Variants in RBFOX1 observed in about 807,000 individuals in gnomAD.
RBFOX1 encodes the protein RNA binding fox-1 homolog 1.
A neutral mutation model predicts 57.7 loss-of-function variants in RBFOX1; 8 were observed. That is an observed-to-expected ratio of 0.14 (90% CI 0.08 to 0.25). The LOEUF (loss-of-function observed/expected upper bound fraction) is 0.25. Among genes scored for constraint, RBFOX1 ranks in the 10% least tolerant of loss-of-function variants. The pLI is 1.00. For missense variants in RBFOX1, 611 were observed against 548.5 expected (o/e 1.11, Z -1.14); for synonymous variants, 326 against 222.4 (o/e 1.47, Z -4.15).
intron 3 of RBFOX1, among the ~76,000 whole-genome samples, chr16:6,916,739 A>C (rs968532470): frequency 6.6e-6 from 1 of 152,118 alleles, no homozygotes; most frequent in African/African-American, 2.4e-5. Flanking sequence ...AGCTCGGATT[A>C]CTTCCAGCTT....
chr16:6,015,730 TCTC>T (rs2094989628), upstream of RBFOX1, among the ~76,000 whole-genome samples: 1 of 152,226 alleles, frequency 6.6e-6, no homozygotes, highest in South Asian at 2.1e-4. Flanking sequence ...CTATTTATCT[TCTC>T]TATTTAGACA....
rs146696236 is a variant in RBFOX1, at chr16:7,668,592, G to A, written c.930+3624G>A. On this transcript the variant is annotated intron_variant, in intron 13 of 15. Coordinates refer to ENST00000550418, the MANE Select transcript of RBFOX1 (RefSeq NM_018723.4). ...GTTGGCTACTCATCGGAGGTGATGC[G>A]GGGGTTGTCTGAGAATGGAGGGTAG... Among the ~76,000 whole-genome samples, 284 of 152,162 alleles carry A rather than the reference G, an allele frequency of 1.9e-3. 2 individuals are homozygous for A. Among genetic ancestry groups the A allele is most frequent in the Non-Finnish European group, 3.1e-3 (208 of 68,014 alleles).
intron 4 of RBFOX1, among the ~76,000 whole-genome samples, chr16:7,267,986 C>T (rs888742155): frequency 3.8e-4 from 58 of 152,172 alleles, no homozygotes; most frequent in Admixed American, 7.2e-4. Flanking sequence ...TGTCATTGTG[C>T]AAACATCAGA....
chr16:5,411,071 G>C (rs1214860795), intron 1 of RBFOX1, among the ~76,000 whole-genome samples: 1 of 152,174 alleles, frequency 6.6e-6, no homozygotes, highest in East Asian at 1.9e-4. Context: ...TGAAACTTTT[G>C]GGGATATTGG....
intron 2 of RBFOX1, among the ~76,000 whole-genome samples, chr16:5,570,310 T>G (rs1419283370): frequency 2.6e-5 from 4 of 152,166 alleles, no homozygotes; most frequent in Non-Finnish European, 5.9e-5. Context: ...TCCCTGAACC[T>G]CCATTCACTC....
chr16:5,907,992 C>A (rs2058502839), intron 4 of RBFOX1, among the ~76,000 whole-genome samples: 1 of 151,596 alleles, frequency 6.6e-6, no homozygotes, highest in Non-Finnish European at 1.5e-5. Context: ...CTCAAGTTCT[C>A]CACCCTCTTC....
chr16:5,803,506 G>T (rs560323023), intron 3 of RBFOX1, among the ~76,000 whole-genome samples: 74 of 152,258 alleles, frequency 4.9e-4, no homozygotes, highest in African/African-American at 1.7e-3. Context: ...TACTTTCTTT[G>T]TGAGATTGCA....
rs35419007 is a variant in RBFOX1, at chr16:6,224,218, G to GTT, written c.-126-92776_-126-92775dup. On this transcript the variant is annotated intron_variant, in intron 1 of 15. Coordinates refer to ENST00000550418, the MANE Select transcript of RBFOX1 (RefSeq NM_018723.4). ...TTGGTTCCATATGAACTTTAAAGTA[G>GTT]TTATTTTTTTCCAATTCTGTGAAGA... Among the ~76,000 whole-genome samples, 105 of 150,378 alleles carry GTT rather than the reference G, an allele frequency of 7.0e-4. 1 individual carries two copies. Among genetic ancestry groups the GTT allele is most frequent in the Middle Eastern group, 3.4e-3 (1 of 292 alleles).
intron 4 of RBFOX1, among the ~76,000 whole-genome samples, chr16:7,268,062 G>A (rs531440557): frequency 2.6e-4 from 40 of 152,284 alleles, no homozygotes; most frequent in Admixed American, 4.6e-4. Flanking sequence ...CTAGCTTATT[G>A]CATCTAGGCT....
At chr16:7,522,735 G>C (rs932045879) in intron 5 of RBFOX1, among the ~76,000 whole-genome samples, 1 of 152,150 alleles carries the variant, frequency 6.6e-6, no homozygotes, top group Non-Finnish European at 1.5e-5. Flanking sequence ...AATGGTGCAG[G>C]AAAGAAAGTG....
intron 4 of RBFOX1, among the ~76,000 whole-genome samples, chr16:5,937,066 A>G (rs965306741): frequency 1.3e-5 from 2 of 150,678 alleles, no homozygotes; most frequent in Non-Finnish European, 3.0e-5. Context: ...GTTTGTCTGC[A>G]TCATAGACCT....
intron 2 of RBFOX1, among the ~76,000 whole-genome samples, chr16:6,329,652 C>T (rs987599770): frequency 6.6e-6 from 1 of 152,138 alleles, no homozygotes; most frequent in Non-Finnish European, 1.5e-5. Flanking sequence ...TGGATGAAGG[C>T]CAGGCATGGT....
intron 4 of RBFOX1, among the ~76,000 whole-genome samples, chr16:5,871,672 C>G (rs563394881): frequency 3.3e-5 from 5 of 152,106 alleles, no homozygotes; most frequent in Non-Finnish European, 4.4e-5. Context: ...AGACCCAGCC[C>G]CACGTTGTCT....
intron 4 of RBFOX1, among the ~76,000 whole-genome samples, chr16:7,159,600 G>A (rs9926655): frequency 0.56 from 85,270 of 151,946 alleles, 24,256 homozygotes; most frequent in East Asian, 0.68. Context: ...TCTCTACTCC[G>A]CTATAGCTTC....
chr16:7,271,494 G>T (rs561849207), intron 4 of RBFOX1, among the ~76,000 whole-genome samples: 4 of 151,984 alleles, frequency 2.6e-5, no homozygotes, highest in African/African-American at 7.2e-5. Flanking sequence ...TCACTTGGTT[G>T]ATCTTGTATT....
At chr16:6,961,320 A>C (rs1179045095) in intron 3 of RBFOX1, among the ~76,000 whole-genome samples, 1 of 152,224 alleles carries the variant, frequency 6.6e-6, no homozygotes, top group Non-Finnish European at 1.5e-5. Context: ...TGGCCATGCA[A>C]GTGGAGCCCC....
At chr16:6,242,206 A>G (rs941986711) in intron 1 of RBFOX1, among the ~76,000 whole-genome samples, 6 of 152,112 alleles carry the variant, frequency 3.9e-5, no homozygotes, top group African/African-American at 1.2e-4. Context: ...TATCAGTACT[A>G]TAAGACTGAT....
At chr16:5,356,694 C>A (rs891553122) in intron 1 of RBFOX1, among the ~76,000 whole-genome samples, 1 of 152,134 alleles carries the variant, frequency 6.6e-6, no homozygotes, top group Admixed American at 6.5e-5. Context: ...TGGGAAATGG[C>A]AAACAGTGAG....
intron 4 of RBFOX1, among the ~76,000 whole-genome samples, chr16:5,958,176 G>A (rs943206130): frequency 6.6e-6 from 1 of 152,184 alleles, no homozygotes; most frequent in Non-Finnish European, 1.5e-5. Flanking sequence ...AAAGGGCTTA[G>A]CACCCTCAAT....
Sources: gnomAD v4.1 joint callset for allele counts (sites outside exome capture counted in the v4.1 genomes callset) on GRCh38, gnomAD v4.1.1 for gene constraint, MANE v1.5 for transcripts, NCBI Gene and HGNC (gene_info 2026-07-23, HGNC 2026-07-21) for gene names.